PLCH1: variants seen among roughly 807,000 people sequenced by gnomAD.
PLCH1 encodes 1-phosphatidylinositol 4,5-bisphosphate phosphodiesterase eta-1.
A neutral mutation model predicts 126.7 loss-of-function variants in PLCH1; 60 were observed. The observed-to-expected ratio is 0.47, with a 90% CI of 0.38 to 0.59. The LOEUF is 0.59. Ranked by LOEUF, PLCH1 falls within the 20% of genes least tolerant of loss-of-function variation. The pLI, the probability that PLCH1 is intolerant of heterozygous loss-of-function variation, is 0.00. For synonymous variants in PLCH1, 719 were observed against 734.9 expected (o/e 0.98, Z 0.35); for missense variants, 1,723 against 2,040.0 (o/e 0.84, Z 2.99).
chr3:155,662,523 T>C (rs1170946378), intron 2 of PLCH1, among the ~76,000 whole-genome samples: 1 of 151,888 alleles, frequency 6.6e-6, no homozygotes, highest in East Asian at 1.9e-4. Context: ...AAGTTTTTTT[T>C]TTTTAATCTT....
intron 11 of PLCH1, among the ~76,000 whole-genome samples, chr3:155,523,141 A>G (rs1034256453): frequency 1.7e-4 from 26 of 151,466 alleles, no homozygotes; most frequent in African/African-American, 6.1e-4. Context: ...CGCCCGGCTA[A>G]TTTTTTTTGT....
chr3:155,707,550 G>C (rs112451995), intron 1 of PLCH1, among the ~76,000 whole-genome samples: 1 of 151,864 alleles, frequency 6.6e-6, no homozygotes, highest in Non-Finnish European at 1.5e-5. Flanking sequence ...TTAGCCAGGC[G>C]TGGGGGTGGG....
chr3:155,536,943 T>C (rs1293397332), intron 10 of PLCH1, among the ~76,000 whole-genome samples: 2 of 151,970 alleles, frequency 1.3e-5, no homozygotes, highest in Non-Finnish European at 2.9e-5. Flanking sequence ...AGGTAGTCTA[T>C]AAAGAAAAAC....
At chr3:155,542,411 G>A (rs1311020157) in intron 10 of PLCH1, among the ~76,000 whole-genome samples, 1 of 152,232 alleles carries the variant, frequency 6.6e-6, no homozygotes, top group Admixed American at 6.5e-5. Context: ...GCCCACCACA[G>A]CTTAAGAAGG....
intron 2 of PLCH1, among the ~76,000 whole-genome samples, chr3:155,648,909 CAG>C (rs1316621419): frequency 6.6e-6 from 1 of 152,180 alleles, no homozygotes; most frequent in African/African-American, 2.4e-5. Context: ...CCAGCATTGC[CAG>C]AGTGCTGTGA....
chr3:155,707,834 A>T (rs867476646), intron 1 of PLCH1, among the ~76,000 whole-genome samples: 2 of 152,216 alleles, frequency 1.3e-5, no homozygotes, highest in African/African-American at 4.8e-5. Flanking sequence ...ACAGAAGCAC[A>T]AACCTACAGA....
At chr3:155,550,789 A>G (rs1287043424) in intron 9 of PLCH1, among the ~76,000 whole-genome samples, 1 of 152,192 alleles carries the variant, frequency 6.6e-6, no homozygotes, top group African/African-American at 2.4e-5. Context: ...TAAATCACCT[A>G]ATATATCAAC....
At chr3:155,629,850 G>A (rs1038217547) in intron 2 of PLCH1, among the ~76,000 whole-genome samples, 1 of 152,112 alleles carries the variant, frequency 6.6e-6, no homozygotes, top group Admixed American at 6.6e-5. Flanking sequence ...AGCACACTTT[G>A]CACTCGCTGT....
chr3:155,736,252 C>T (rs983463588), intron 1 of PLCH1, among the ~76,000 whole-genome samples: 1 of 152,214 alleles, frequency 6.6e-6, no homozygotes, highest in African/African-American at 2.4e-5. Flanking sequence ...TCTTCCAAGA[C>T]TGTATTTTAG....
intron 2 of PLCH1, among the ~76,000 whole-genome samples, chr3:155,676,735 C>T (rs1200931293): frequency 2.0e-5 from 3 of 152,088 alleles, no homozygotes; most frequent in Non-Finnish European, 4.4e-5. Context: ...TTTATTCACA[C>T]ACAAACATAG....
chr3:155,506,400 G>C (rs1718721838), intron 12 of PLCH1, among the ~76,000 whole-genome samples: 1 of 130,110 alleles, frequency 7.7e-6, no homozygotes. Flanking sequence ...TGTGCACATT[G>C]TGCAGGTTAG....
At position 155,479,924 on chromosome 3, in the gene PLCH1, A is replaced by G. The variant is rs1299441006; in HGVS notation, c.*1044T>C. 4 of 152,338 alleles carry G rather than the reference A, an allele frequency of 2.6e-5. No homozygotes were observed. The South Asian group carries it at 8.3e-4, about 32-fold the overall frequency. The allele number at this position is 152,338 out of a possible 1,614,324, so 9.4% of individuals were successfully genotyped here. On this transcript the variant is annotated 3_prime_UTR_variant, in exon 23 of 23. Coordinates refer to ENST00000460012, the MANE Select transcript of PLCH1 (RefSeq NM_014996.4). ...AATTATATTTTCATGAATTCCAGGAAGAACATCATTGCAGTTAATGTTACA... is the reference window on the plus strand; with the variant it reads ...AATTATATTTTCATGAATTCCAGGAGGAACATCATTGCAGTTAATGTTACA...
chr3:155,459,206 T>C (rs568510582), intron 21 of PLCH1, among the ~76,000 whole-genome samples: 2 of 152,298 alleles, frequency 1.3e-5, no homozygotes, highest in South Asian at 2.1e-4. Context: ...TATGATGACA[T>C]TGAAATCCTT....
At chr3:155,573,205 GCA>G (rs1266742320) in intron 6 of PLCH1, among the ~76,000 whole-genome samples, 1 of 152,080 alleles carries the variant, frequency 6.6e-6, no homozygotes, top group Non-Finnish European at 1.5e-5. Context: ...GTTCTTTATA[GCA>G]GAGGATTTCC....
intron 2 of PLCH1, among the ~76,000 whole-genome samples, chr3:155,693,471 CAAAAA>C (rs1227159940): frequency 9.7e-5 from 1 of 10,354 alleles, no homozygotes; most frequent in Non-Finnish European, 1.3e-4. Flanking sequence ...GACTCCGTCT[CAAAAA>C]AAAAAAAAAA....
At chr3:155,500,469 T>C (rs1717728367) in intron 14 of PLCH1, among the ~76,000 whole-genome samples, 3 of 152,234 alleles carry the variant, frequency 2.0e-5, no homozygotes, top group Admixed American at 1.3e-4. Context: ...AGATACCTTT[T>C]ACTTGACAAC....
chr3:155,724,813 TTGTGTG>T (rs60805589), intron 1 of PLCH1, among the ~76,000 whole-genome samples: 3,069 of 140,128 alleles, frequency 0.022, 87 homozygotes, highest in African/African-American at 0.071. Flanking sequence ...TTGGGGGGTT[TTGTGTG>T]TGTGTGTGTG....
intron 7 of PLCH1, among the ~76,000 whole-genome samples, chr3:155,565,516 C>T (rs147292058): frequency 1.7e-4 from 26 of 151,946 alleles, no homozygotes; most frequent in Non-Finnish European, 3.8e-4. Context: ...GACCTGTTTC[C>T]TCCCACTTCA....
At chr3:155,491,919 T>C (rs532382529) in intron 18 of PLCH1, among the ~76,000 whole-genome samples, 1 of 152,310 alleles carries the variant, frequency 6.6e-6, no homozygotes, top group African/African-American at 2.4e-5. Flanking sequence ...TGGTCATCTG[T>C]AGACTCTCCT....
Sources: allele counts gnomAD v4.1 joint callset (sites outside exome capture counted in the v4.1 genomes callset), GRCh38; gene constraint gnomAD v4.1.1; transcripts MANE v1.5; gene names NCBI Gene and HGNC (gene_info 2026-07-23, HGNC 2026-07-21).